PACSIN2: variants seen among roughly 807,000 people sequenced by gnomAD.
The protein encoded by PACSIN2 is protein kinase C and casein kinase substrate in neurons protein 2.
PACSIN2 carries 25 observed loss-of-function variants against 63.8 expected under a neutral mutation model. The observed-to-expected ratio is 0.39, with a 90% CI of 0.29 to 0.55. The LOEUF (loss-of-function observed/expected upper bound fraction) is 0.55, where lower values mean the gene tolerates loss of function less well. Among genes scored for constraint, PACSIN2 ranks in the 20% least tolerant of loss-of-function variants. The probability of loss-of-function intolerance (pLI) is 0.62; values close to 1 mark genes in which losing one functional copy is unlikely to be tolerated. For synonymous variants in PACSIN2, 255 were observed against 256.2 expected (o/e 1.00, Z 0.05); for missense variants, 518 against 646.9 (o/e 0.80, Z 2.16).
At chr22:42,877,036 G>A in intron 8 of PACSIN2, 26 bp from the exon 9 acceptor site, 1 of 1,613,416 alleles carries the variant, frequency 6.2e-7, no homozygotes. Context: ...GCTTTCAGGG[G>A]ATCCCAGCTC....
In PACSIN2 at chr22:42,891,100, C is replaced by T. The variant is rs1405943038; in HGVS notation, c.300G>A (p.Val100=). Residue 100 remains valine, a synonymous_variant, in exon 4 of 11, where the codon GTG becomes GTA. Coordinates refer to ENST00000263246, the MANE Select transcript of PACSIN2 (RefSeq NM_001184970.3). Reference sequence around the variant, plus strand: ...AGTCATCGTTCATCAGTGAGGCCTTCACCTCGAGGTGCAGCTCGCTCACCC... The same window carrying T: ...AGTCATCGTTCATCAGTGAGGCCTTTACCTCGAGGTGCAGCTCGCTCACCC... ...AERVSELHLE[V]KASLMNDDFE... 6.8e-6 allele frequency: 11 copies of T among 1,614,164 alleles called. No individual in the cohort carries two copies. Among genetic ancestry groups the T allele is most frequent in the Admixed American group, 3.3e-5 (2 of 60,020 alleles).
At chr22:42,980,260 T>C (rs1474819816) in intron 1 of PACSIN2, among the ~76,000 whole-genome samples, 1 of 152,122 alleles carries the variant, frequency 6.6e-6, no homozygotes, top group Admixed American at 6.6e-5. Flanking sequence ...ATGCCTATAA[T>C]CCCAGCACTT....
At chr22:43,011,332 G>A (rs181309470) in intron 1 of PACSIN2, among the ~76,000 whole-genome samples, 3 of 152,246 alleles carry the variant, frequency 2.0e-5, no homozygotes, top group East Asian at 1.9e-4. Context: ...GTCATTAATC[G>A]CATAATCTAC....
chr22:43,001,882 G>A (rs574247728), intron 1 of PACSIN2, among the ~76,000 whole-genome samples: 3 of 152,260 alleles, frequency 2.0e-5, no homozygotes, highest in Non-Finnish European at 4.4e-5. Flanking sequence ...CTCCCCACCT[G>A]GAGCCCCTCT....
At chr22:42,996,047 CAT>C (rs2146910580) in intron 1 of PACSIN2, among the ~76,000 whole-genome samples, 1 of 151,936 alleles carries the variant, frequency 6.6e-6, no homozygotes, top group South Asian at 2.1e-4. Flanking sequence ...GGTGAAACCT[CAT>C]TTCTACTAAA....
At chr22:42,911,407 T>TA (rs75497964) in intron 2 of PACSIN2, among the ~76,000 whole-genome samples, 2,403 of 111,404 alleles carry the variant, frequency 0.022, 65 homozygotes, top group African/African-American at 0.062. Context: ...CCTCAACTGT[T>TA]AAAAAAAAAA....
Position 42,912,161 on chromosome 22 carries a change from T to C in PACSIN2, c.-77-4A>G. 2.1e-6 allele frequency: 2 copies of C among 936,016 alleles called. No individual in the cohort carries two copies. Among genetic ancestry groups the C allele is most frequent in the Non-Finnish European group, 1.6e-6 (1 of 613,908 alleles). 58.0% of individuals were successfully genotyped at this position (936,016 alleles called of 1,614,324 possible). Reference sequence around the variant, plus strand: ...CGCTCAAAATCTGTAGACAAACCTATAAATGAAAAACATATAACATAGTGG... The same window carrying C: ...CGCTCAAAATCTGTAGACAAACCTACAAATGAAAAACATATAACATAGTGG... On this transcript the variant is annotated splice_region_variant and splice_polypyrimidine_tract_variant and intron_variant, in intron 1 of 10. Transcript: ENST00000263246.
rs546574394 is a variant in PACSIN2, at chr22:42,990,007, C to T, written c.-78+25014G>A. On this transcript the variant is annotated intron_variant, in intron 1 of 10. Transcript: ENST00000263246. ...ATTTATATATACATATATACACACA[C>T]ATATATATACACACATATGTATATA... Among the ~76,000 whole-genome samples the T allele has an allele frequency of 3.5e-3, 238 of 67,046 alleles. 2 individuals are homozygous for T. Among genetic ancestry groups the T allele is most frequent in the African/African-American group, 0.016 (219 of 14,066 alleles). The allele number at this position is 67,046 out of a possible 152,430, so 44.0% of individuals were successfully genotyped here. A position where few individuals can be genotyped will look rare whatever the true frequency, so the allele number is the denominator to read the frequency against.
intron 1 of PACSIN2, among the ~76,000 whole-genome samples, chr22:42,939,498 T>C (rs112865886): frequency 1.4e-4 from 21 of 152,324 alleles, no homozygotes; most frequent in African/African-American, 5.1e-4. Flanking sequence ...CAGGCCTAAC[T>C]GAACCAGAAC....
chr22:42,943,447 C>G (rs1481855690), intron 1 of PACSIN2, among the ~76,000 whole-genome samples: 1 of 152,152 alleles, frequency 6.6e-6, no homozygotes, highest in Non-Finnish European at 1.5e-5. Context: ...GGAGTGAGAA[C>G]AGACATCAAG....
chr22:42,967,801 TG>T (rs1379073648), intron 1 of PACSIN2, among the ~76,000 whole-genome samples: 2 of 152,052 alleles, frequency 1.3e-5, no homozygotes, highest in Non-Finnish European at 2.9e-5. Context: ...GGCAGGAGAA[TG>T]GCATGAACCC....
At position 42,871,295 on chromosome 22, in the gene PACSIN2, G is replaced by A. The variant is rs1025735039; in HGVS notation, c.*62C>T. ...TGCAGGAAAAGGAGTGGATGCCCAC[G>A]TGGCTGGCTGAGGCTCCTGGGCCCG... On this transcript the variant is annotated 3_prime_UTR_variant, in exon 11 of 11. Transcript: ENST00000263246. The surrounding 1 kb of genome is among the most constrained non-coding windows in gnomAD (Gnocchi z 5.4). 13 of 992,538 alleles carry A rather than the reference G, an allele frequency of 1.3e-5. No homozygotes were observed. In the African/African-American group the frequency reaches 1.6e-4, roughly 12 times the overall value. 61.5% of individuals were successfully genotyped at this position (992,538 alleles called of 1,614,324 possible).
intron 1 of PACSIN2, among the ~76,000 whole-genome samples, chr22:42,930,661 T>C (rs1047302652): frequency 1.3e-5 from 2 of 152,252 alleles, no homozygotes; most frequent in African/African-American, 4.8e-5. Context: ...AATACCTCCA[T>C]GGTTTTGGTT....
chr22:42,870,002 G>A lies in PACSIN2; in HGVS notation c.*1355C>T, dbSNP rs961811180. On this transcript the variant is annotated 3_prime_UTR_variant, in exon 11 of 11. Transcript: ENST00000263246. Reference sequence around the variant, plus strand: ...GCTGGTGACGGCGGCGGGCACTGCTGAGTCACGTGAAACACAGGTTCCCCC... The same window carrying A: ...GCTGGTGACGGCGGCGGGCACTGCTAAGTCACGTGAAACACAGGTTCCCCC... The A allele has an allele frequency of 6.6e-6, 1 of 152,194 alleles. No individual in the cohort carries two copies. Among genetic ancestry groups the A allele is most frequent in the African/African-American group, 2.4e-5 (1 of 41,430 alleles). 9.4% of individuals were successfully genotyped at this position (152,194 alleles called of 1,614,324 possible).
intron 1 of PACSIN2, among the ~76,000 whole-genome samples, chr22:42,990,024 ATG>A (rs1375468338): frequency 1.2e-4 from 3 of 24,118 alleles, no homozygotes; most frequent in African/African-American, 3.3e-4. Flanking sequence ...ATACACACAT[ATG>A]TATATATATG....
chr22:43,002,954 A>G (rs1362872181), intron 1 of PACSIN2, among the ~76,000 whole-genome samples: 2 of 152,228 alleles, frequency 1.3e-5, no homozygotes, highest in African/African-American at 4.8e-5. Flanking sequence ...AAAAGGAAAC[A>G]GCGAGGTCAG....
At chr22:42,912,479 G>C (rs1039546955) in intron 1 of PACSIN2, among the ~76,000 whole-genome samples, 10 of 152,178 alleles carry the variant, frequency 6.6e-5, no homozygotes, top group Non-Finnish European at 1.2e-4. Context: ...CGTGAGTGGA[G>C]GTAATCCCAC....
intron 1 of PACSIN2, among the ~76,000 whole-genome samples, chr22:42,913,103 A>C (rs1931568484): frequency 6.6e-6 from 1 of 152,216 alleles, no homozygotes; most frequent in Admixed American, 6.5e-5. Context: ...CCTAGGCTTA[A>C]ATCCCAGACC....
intron 2 of PACSIN2, among the ~76,000 whole-genome samples, chr22:42,903,082 G>A (rs1445967448): frequency 6.6e-6 from 1 of 152,156 alleles, no homozygotes; most frequent in Non-Finnish European, 1.5e-5. Context: ...CCAGCTGCAG[G>A]GCCTCACCGG....
Sources: allele counts gnomAD v4.1 joint callset (sites outside exome capture counted in the v4.1 genomes callset), GRCh38; gene constraint gnomAD v4.1.1; non-coding constraint Gnocchi (gnomAD v3.1); transcripts MANE v1.5; gene names NCBI Gene and HGNC (gene_info 2026-07-23, HGNC 2026-07-21).